The following GPRC5B variants were observed in gnomAD, a reference collection of about 807,000 sequenced individuals.
GPRC5B encodes the protein G protein-coupled receptor class C group 5 member B, also known as G protein-coupled receptor family C group 5 member B.
GPRC5B carries 16 observed loss-of-function variants against 30.1 expected under a neutral mutation model. The observed-to-expected ratio is 0.53, with a 90% CI of 0.36 to 0.81. The LOEUF (loss-of-function observed/expected upper bound fraction) is 0.81, where lower values mean the gene tolerates loss of function less well. Among genes scored for constraint, GPRC5B ranks in the 30% least tolerant of loss-of-function variants. The probability of loss-of-function intolerance (pLI) is 0.01; values close to 1 mark genes in which losing one functional copy is unlikely to be tolerated. For synonymous variants in GPRC5B, 241 were observed against 239.5 expected, an observed-to-expected ratio of 1.01 and a Z score of -0.06; for missense variants, 428 against 544.7, an observed-to-expected ratio of 0.79 and a Z score of 2.13.
chr16:19,866,169 C>T (rs375249531), intron 2 of GPRC5B, among the ~76,000 whole-genome samples: 242 of 152,046 alleles, frequency 1.6e-3, no homozygotes, highest in African/African-American at 2.8e-3. Flanking sequence ...CCTTGTGATC[C>T]GCCTGCCTCG....
chr16:19,881,613 C>G (rs923500968), intron 1 of GPRC5B, among the ~76,000 whole-genome samples: 1 of 152,116 alleles, frequency 6.6e-6, no homozygotes, highest in African/African-American at 2.4e-5. Flanking sequence ...GAAACCCTGT[C>G]TCTATTACAA....
chr16:19,881,707 G>A (rs903438176), intron 1 of GPRC5B, among the ~76,000 whole-genome samples: 13 of 152,138 alleles, frequency 8.5e-5, no homozygotes, highest in South Asian at 2.1e-4. Flanking sequence ...TCTTGAAACC[G>A]GGAGGCGGAG....
At chr16:19,871,297 AAAAG>A (rs1445279468) in intron 2 of GPRC5B, among the ~76,000 whole-genome samples, 5 of 150,402 alleles carry the variant, frequency 3.3e-5, no homozygotes, top group East Asian at 1.9e-4. Flanking sequence ...AAAAAAAAAA[AAAAG>A]AAAGAAAGAA....
Position 19,872,375 on chromosome 16 carries a change from GGGGCCC to G in GPRC5B, c.465_470del (p.Gly156_Pro157del). The stretch of plus-strand genomic sequence containing the variant: ...CCAGGCCCACCAGCTGCCAGCCCGC[GGGGCCC>G]GTGCCATGCCGCACCAGCCTCCGCA... On this transcript the variant is annotated inframe_deletion, in exon 2 of 4. Coordinates refer to ENST00000300571, the MANE Select transcript of GPRC5B (RefSeq NM_016235.3). This position sits in a 1 kb window ranked among gnomAD's most constrained non-coding sequence, Gnocchi z 5.0. 1 of 1,613,412 alleles carries G rather than the reference GGGGCCC, an allele frequency of 6.2e-7. No individual in the cohort carries two copies. Among genetic ancestry groups the G allele is most frequent in the Non-Finnish European group, 8.5e-7 (1 of 1,179,700 alleles).
At position 19,859,241 on chromosome 16, in the gene GPRC5B, T is replaced by TG. The variant is rs918576927; in HGVS notation, c.*1258dup. 2 of 152,572 alleles carry TG rather than the reference T, an allele frequency of 1.3e-5. No individual in the cohort carries two copies. The highest frequency in any genetic ancestry group is 2.4e-5 in the African/African-American group (1 of 41,418). 9.5% of individuals were successfully genotyped at this position (152,572 alleles called of 1,614,324 possible). On this transcript the variant is annotated 3_prime_UTR_variant, in exon 4 of 4. Coordinates refer to ENST00000300571, the MANE Select transcript of GPRC5B (RefSeq NM_016235.3). ...TGCTGGCCAAACAGTGCAGAGAACATGGGGGCTTTGAATGGCCGAGATGTT... is the reference window on the plus strand; with the variant it reads ...TGCTGGCCAAACAGTGCAGAGAACATGGGGGGCTTTGAATGGCCGAGATGTT...
rs747508519 is a variant in GPRC5B at position 19,872,243 on chromosome 16, C to T, written c.603G>A (p.Val201=). ...PACAYEPMDF[V]MALIYDMVLL... is the part of the protein sequence containing the mutation. The stretch of plus-strand genomic sequence containing the variant: ...GTACCATGTCGTAGATGAGGGCCAT[C>T]ACAAAGTCCATGGGCTCGTAGGCGC... Residue 201 remains valine, a synonymous_variant, in exon 2 of 4, where the codon GTG becomes GTA. Transcript: ENST00000300571. The surrounding 1 kb of genome is among the most constrained non-coding windows in gnomAD (Gnocchi z 5.0). 30 of 1,614,202 alleles carry T rather than the reference C, an allele frequency of 1.9e-5. No homozygotes were observed. Among genetic ancestry groups the T allele is most frequent in the Middle Eastern group, 1.6e-4 (1 of 6,062 alleles).
chr16:19,862,499 C>G (rs2056634565), intron 2 of GPRC5B, among the ~76,000 whole-genome samples: 1 of 152,262 alleles, frequency 6.6e-6, no homozygotes, highest in African/African-American at 2.4e-5. Context: ...GGCACTTTTT[C>G]CCTCTGAAAG....
chr16:19,861,999 C>T, intron 2 of GPRC5B, 26 bp from the exon 3 acceptor site: 9 of 1,611,354 alleles, frequency 5.6e-6, no homozygotes, highest in Non-Finnish European at 7.6e-6. Context: ...ATTGGCAAGA[C>T]AACATTGCCA....
At chr16:19,873,072 C>T (rs1019053758) in intron 1 of GPRC5B, among the ~76,000 whole-genome samples, 1 of 152,112 alleles carries the variant, frequency 6.6e-6, no homozygotes, top group Non-Finnish European at 1.5e-5. Flanking sequence ...ATCATCATCA[C>T]TGGTGGCTGA....
At chr16:19,870,527 A>C (rs1274567564) in intron 2 of GPRC5B, among the ~76,000 whole-genome samples, 1 of 152,228 alleles carries the variant, frequency 6.6e-6, no homozygotes, top group Non-Finnish European at 1.5e-5. Context: ...ATTTCCTCAA[A>C]GCCACACATC....
In GPRC5B at chr16:19,872,975, A is replaced by C; in HGVS notation, c.-1-129T>G. 1 of 660,560 alleles carries C rather than the reference A, an allele frequency of 1.5e-6. No individual in the cohort carries two copies. The highest frequency in any genetic ancestry group is 2.7e-5 in the Admixed American group (1 of 36,588). The allele number at this position is 660,560 out of a possible 1,614,324, so 40.9% of individuals were successfully genotyped here. A position where few individuals can be genotyped will look rare whatever the true frequency, so the allele number is the denominator to read the frequency against. On this transcript the variant is annotated intron_variant, in intron 1 of 3. Transcript: ENST00000300571. The surrounding 1 kb of genome is among the most constrained non-coding windows in gnomAD (Gnocchi z 5.0). ...CTGCAAGCGCACACGGCACCTTTGC[A>C]CACATAGGAAAACGTGCTCCTTTCC...
chr16:19,880,428 TAAATA>T (rs6145780), intron 1 of GPRC5B, among the ~76,000 whole-genome samples: 30 of 139,294 alleles, frequency 2.2e-4, no homozygotes, highest in South Asian at 4.8e-4. Context: ...GTCTCTGTTA[TAAATA>T]AAATAAAATA....
chr16:19,879,962 C>A (rs2056791231), intron 1 of GPRC5B, among the ~76,000 whole-genome samples: 1 of 151,622 alleles, frequency 6.6e-6, no homozygotes. Flanking sequence ...TAGTGAAACC[C>A]TGTCTCTATA....
intron 2 of GPRC5B, among the ~76,000 whole-genome samples, chr16:19,863,722 C>T (rs1364886839): frequency 2.6e-5 from 4 of 151,862 alleles, no homozygotes; most frequent in Non-Finnish European, 5.9e-5. Context: ...AAGCTGGTGT[C>T]AAACTCCTGA....
chr16:19,883,744 G>T (rs2141155943), intron 1 of GPRC5B, among the ~76,000 whole-genome samples: 1 of 152,256 alleles, frequency 6.6e-6, no homozygotes, highest in South Asian at 2.1e-4. Context: ...CCCCCTTAGC[G>T]AACGGGGGAC....
At chr16:19,879,144 C>T (rs1281859768) in intron 1 of GPRC5B, among the ~76,000 whole-genome samples, 4 of 152,176 alleles carry the variant, frequency 2.6e-5, no homozygotes, top group South Asian at 2.1e-4. Context: ...CTCCCACCCC[C>T]GAGAGCTGGG....
chr16:19,860,503 C>T lies in GPRC5B; in HGVS notation c.1209G>A (p.Trp403Ter). The T allele has an allele frequency of 1.3e-6, 2 of 1,588,380 alleles. No homozygotes were observed. Among genetic ancestry groups the T allele is most frequent in the Non-Finnish European group, 1.7e-6 (2 of 1,156,784 alleles). Residue 403 changes from tryptophan (W) to a stop codon, truncating the protein, a stop_gained, in exon 4 of 4, where the codon TGG becomes TGA. Coordinates refer to ENST00000300571, the MANE Select transcript of GPRC5B (RefSeq NM_016235.3). LOFTEE classifies it high-confidence loss of function. Reference sequence around the variant, plus strand: ...ATTCTCTGGAACTTAAAGTCTTTCACCAAAGGTGTCTTCCTGTGTGACTTG... The same window carrying T: ...ATTCTCTGGAACTTAAAGTCTTTCATCAAAGGTGTCTTCCTGTGTGACTTG... ...APPSHTGRHL[W>*]
chr16:19,872,330 C>T lies in GPRC5B; in HGVS notation c.516G>A (p.Val172=). The T allele has an allele frequency of 3.7e-6, 6 of 1,614,086 alleles. No homozygotes were observed. The highest frequency in any genetic ancestry group is 5.1e-6 in the Non-Finnish European group (6 of 1,180,032). Residue 172 remains valine (V), a synonymous_variant, in exon 2 of 4, where the codon GTG becomes GTA. Transcript: ENST00000300571. This position sits in a 1 kb window ranked among gnomAD's most constrained non-coding sequence, Gnocchi z 5.0. ...LVGLALCLML[V]QVIIAVEWLV... ...GCCACTCCACAGCGATGATGACTTGCACCAGCATCAGGCACAGCGCCAGGC... is the reference window on the plus strand; with the variant it reads ...GCCACTCCACAGCGATGATGACTTGTACCAGCATCAGGCACAGCGCCAGGC...
intron 3 of GPRC5B, among the ~76,000 whole-genome samples, chr16:19,861,308 CA>C (rs2056620865): frequency 6.6e-6 from 1 of 152,062 alleles, no homozygotes; most frequent in African/African-American, 2.4e-5. Flanking sequence ...TAAACAATGA[CA>C]ATTCTGCTGA....
Sources: allele counts gnomAD v4.1 joint callset (sites outside exome capture counted in the v4.1 genomes callset), GRCh38; gene constraint gnomAD v4.1.1; non-coding constraint Gnocchi (gnomAD v3.1); transcripts MANE v1.5; gene names NCBI Gene and HGNC (gene_info 2026-07-23, HGNC 2026-07-21).